CPEB2: variants seen among roughly 807,000 people sequenced by gnomAD.
The protein encoded by CPEB2 is cytoplasmic polyadenylation element binding protein 2, also known as cytoplasmic polyadenylation element-binding protein 2.
A neutral mutation model predicts 93.6 loss-of-function variants in CPEB2; 56 were observed. The observed-to-expected ratio is 0.60, with a 90% CI of 0.48 to 0.75. CPEB2 has a LOEUF of 0.75. CPEB2 is among the 30% of genes least tolerant of loss of function. The probability of loss-of-function intolerance (pLI) is 0.00; values close to 1 mark genes in which losing one functional copy is unlikely to be tolerated. For missense variants in CPEB2, 1,579 were observed against 1,395.1 expected, an observed-to-expected ratio of 1.13 and a Z score of -2.10; for synonymous variants, 764 against 586.3, an observed-to-expected ratio of 1.30 and a Z score of -4.38.
chr4:15,065,956 T>G (rs3749570), intron 11 of CPEB2, among the ~76,000 whole-genome samples, 197 bp from the exon 12 acceptor site: 64,027 of 151,974 alleles, frequency 0.42, 15,783 homozygotes, highest in Non-Finnish European at 0.56. Context: ...GAGAGTGGAA[T>G]GTTTTGCAAA....
At chr4:15,065,975 T>G (rs1292447503) in intron 11 of CPEB2, among the ~76,000 whole-genome samples, 178 bp from the exon 12 acceptor site, 1 of 152,112 alleles carries the variant, frequency 6.6e-6, no homozygotes, top group Non-Finnish European at 1.5e-5. Context: ...AATCAGATTT[T>G]TATAGATTTT....
intron 10 of CPEB2, 129 bp downstream of exon 10, chr4:15,059,430 C>T: frequency 2.1e-6 from 1 of 486,096 alleles, no homozygotes; most frequent in East Asian, 3.3e-5. Context: ...CTGCATGCAC[C>T]AATTGCTGCT....
At chr4:15,016,288 G>C (rs1170735923) in intron 3 of CPEB2, among the ~76,000 whole-genome samples, 1 of 151,998 alleles carries the variant, frequency 6.6e-6, no homozygotes. Context: ...AGATTATTTG[G>C]AGGGCATGGG....
At chr4:15,043,947 T>C (rs1375462095) in intron 6 of CPEB2, among the ~76,000 whole-genome samples, 3 of 152,154 alleles carry the variant, frequency 2.0e-5, no homozygotes, top group African/African-American at 7.2e-5. Context: ...TTATTAATAA[T>C]ATAGTATACT....
rs1403043094 is a variant in CPEB2, at chr4:15,008,347, A to C, written c.1954A>C (p.Ser652Arg). 1 of 1,613,080 alleles carries C rather than the reference A, an allele frequency of 6.2e-7. No individual in the cohort carries two copies. Among genetic ancestry groups the C allele is most frequent in the South Asian group, 1.1e-5 (1 of 91,060 alleles). The change falls in exon 3 of 12, where the codon AGT (serine) becomes CGT (arginine). Residue 652 changes from serine (S) to arginine (R), a missense_variant. Coordinates refer to ENST00000538197, the MANE Select transcript of CPEB2 (RefSeq NM_001177382.2). The stretch of plus-strand genomic sequence containing the variant: ...TTCTATGCTATTGAAGGTGAGATCT[A>C]GTTTGCAGTTGCCAGCTTGGGGCTC... ...NTLLPLQVRS[S>R]LQLPAWGSDS...
intron 6 of CPEB2, among the ~76,000 whole-genome samples, chr4:15,047,065 C>T (rs1004989851): frequency 1.3e-5 from 2 of 152,120 alleles, no homozygotes; most frequent in Admixed American, 1.3e-4. Flanking sequence ...TGTATTGGTA[C>T]CTTTGAAAAA....
At chr4:15,035,109 C>T (rs745915981) in intron 5 of CPEB2, among the ~76,000 whole-genome samples, 4 of 152,154 alleles carry the variant, frequency 2.6e-5, no homozygotes, top group African/African-American at 9.6e-5. Flanking sequence ...CACTTTGAGG[C>T]ATTTGGTTAA....
In CPEB2 at chr4:15,066,693, T is replaced by A. The variant is rs1004573450; in HGVS notation, c.*313T>A. Reference sequence around the variant, plus strand: ...AATGTTTTGCGTAGGGGCAACACAGTCTGCTGCTATATAGTGGGGGAAGCG... The same window carrying A: ...AATGTTTTGCGTAGGGGCAACACAGACTGCTGCTATATAGTGGGGGAAGCG... On this transcript the variant is annotated 3_prime_UTR_variant, in exon 12 of 12. Coordinates refer to ENST00000538197, the MANE Select transcript of CPEB2 (RefSeq NM_001177382.2). 7 of 321,866 alleles carry A rather than the reference T, an allele frequency of 2.2e-5. No homozygotes were observed. The highest frequency in any genetic ancestry group is 1.5e-4 in the African/African-American group (7 of 46,458). The allele number at this position is 321,866 out of a possible 1,614,324, so 19.9% of individuals were successfully genotyped here. A position where few individuals can be genotyped will look rare whatever the true frequency, so the allele number is the denominator to read the frequency against.
rs1475014475 is a variant in CPEB2, at chr4:15,003,465, C to T, written c.792C>T (p.Leu264=). The T allele has an allele frequency of 7.2e-7, 1 of 1,386,872 alleles. No individual in the cohort carries two copies. The highest frequency in any genetic ancestry group is 3.3e-5 in the Admixed American group (1 of 30,208). The allele number at this position is 1,386,872 out of a possible 1,614,324, so 85.9% of individuals were successfully genotyped here. A position where few individuals can be genotyped will look rare whatever the true frequency, so the allele number is the denominator to read the frequency against. ...CAGACCTGCCCCCGCTCCCGCAGCT[C>T]CCTCCCTCGCCGCCTGCAGCCCCGC... is the stretch of plus-strand genomic sequence containing the variant. ...RPADLPPLPQ[L]PPSPPAAPRR... Residue 264 remains leucine, a synonymous_variant, in exon 1 of 12, where the codon CTC becomes CTT. Transcript: ENST00000538197.
intron 11 of CPEB2, among the ~76,000 whole-genome samples, chr4:15,064,216 G>A (rs1173968484): frequency 1.3e-5 from 2 of 152,162 alleles, no homozygotes; most frequent in South Asian, 4.1e-4. Flanking sequence ...TATTTCATAA[G>A]TAGTATAATT....
chr4:15,031,860 G>A (rs4345178), intron 4 of CPEB2, among the ~76,000 whole-genome samples: 7,956 of 152,060 alleles, frequency 0.052, 234 homozygotes, highest in Non-Finnish European at 0.07. Flanking sequence ...AAATCCAACC[G>A]ACAATCTCCA....
intron 5 of CPEB2, among the ~76,000 whole-genome samples, chr4:15,039,355 A>G (rs186226571): frequency 1.3e-5 from 2 of 152,322 alleles, no homozygotes; most frequent in East Asian, 1.9e-4. Flanking sequence ...AGTATATTTC[A>G]TAATGTGAAA....
At chr4:15,018,410 T>C (rs1027995671) in intron 4 of CPEB2, among the ~76,000 whole-genome samples, 4 of 151,800 alleles carry the variant, frequency 2.6e-5, no homozygotes, top group African/African-American at 4.8e-5. Context: ...GATTGTTGAT[T>C]ATGTGTGCTA....
At chr4:15,020,717 C>CG (rs1394759371) in intron 4 of CPEB2, among the ~76,000 whole-genome samples, 1 of 152,126 alleles carries the variant, frequency 6.6e-6, no homozygotes, top group African/African-American at 2.4e-5. Context: ...TTAAGTGTGT[C>CG]TGTTTTTGCA....
chr4:15,062,873 A>C (rs1055130184), intron 11 of CPEB2, among the ~76,000 whole-genome samples: 2 of 152,112 alleles, frequency 1.3e-5, no homozygotes, highest in African/African-American at 4.8e-5. Context: ...AAGAAGTACT[A>C]GGAATGATAA....
At chr4:15,040,621 C>G (rs2604576) in intron 6 of CPEB2, 134 bp downstream of exon 6, 5 of 740,670 alleles carry the variant, frequency 6.8e-6, no homozygotes, top group African/African-American at 1.8e-5. Context: ...GAGCACTTGT[C>G]GAAGTTTTTA....
At chr4:15,055,220 G>T (rs1036709994) in intron 8 of CPEB2, among the ~76,000 whole-genome samples, 2 of 152,026 alleles carry the variant, frequency 1.3e-5, no homozygotes, top group Admixed American at 1.3e-4. Context: ...TTTAATACTT[G>T]CAGATTCTAT....
At chr4:15,049,136 G>C (rs375586303) in intron 6 of CPEB2, among the ~76,000 whole-genome samples, 4 of 151,990 alleles carry the variant, frequency 2.6e-5, no homozygotes, top group East Asian at 3.9e-4. Flanking sequence ...ATAGATTATA[G>C]ATGTTTTTAG....
At chr4:15,011,101 CTTTTTTTTT>C (rs201436379) in intron 3 of CPEB2, among the ~76,000 whole-genome samples, 1 of 125,768 alleles carries the variant, frequency 8.0e-6, no homozygotes, top group African/African-American at 2.9e-5. Context: ...AATTTCTTTT[CTTTTTTTTT>C]TTTTTTTTTT....
Sources: allele counts gnomAD v4.1 joint callset (sites outside exome capture counted in the v4.1 genomes callset), GRCh38; gene constraint gnomAD v4.1.1; transcripts MANE v1.5; gene names NCBI Gene and HGNC (gene_info 2026-07-23, HGNC 2026-07-21).